The following PPP1R9A variants were observed in gnomAD, a reference collection of about 807,000 sequenced individuals.
The protein encoded by PPP1R9A is protein phosphatase 1 regulatory subunit 9A, also known as neurabin-1.
Under a neutral mutation model 141.9 loss-of-function variants are expected in PPP1R9A, and 59 were observed. The observed-to-expected ratio is 0.42, with a 90% CI of 0.34 to 0.52. The LOEUF (loss-of-function observed/expected upper bound fraction) is 0.52. PPP1R9A is among the 20% of genes least tolerant of loss of function. PPP1R9A has a pLI of 0.10. For synonymous variants in PPP1R9A, 500 were observed against 569.7 expected (o/e 0.88, Z 1.74); for missense variants, 1,444 against 1,611.9 (o/e 0.90, Z 1.78).
At chr7:95,058,979 AG>A (rs1419902249) in intron 2 of PPP1R9A, among the ~76,000 whole-genome samples, 3 of 151,990 alleles carry the variant, frequency 2.0e-5, no homozygotes, top group Non-Finnish European at 4.4e-5. Context: ...TAGTGGAGAC[AG>A]GGTTTCACCA....
chr7:95,265,015 C>A (rs1801050575), intron 12 of PPP1R9A, among the ~76,000 whole-genome samples: 1 of 152,170 alleles, frequency 6.6e-6, no homozygotes, highest in South Asian at 2.1e-4. Flanking sequence ...CTTAGAAACA[C>A]TGAGCCAGTT....
chr7:95,030,227 C>T (rs1374940646), intron 2 of PPP1R9A, among the ~76,000 whole-genome samples: 1 of 152,148 alleles, frequency 6.6e-6, no homozygotes, highest in Non-Finnish European at 1.5e-5. Context: ...ACATATATCA[C>T]AGTGTAGCTG....
Position 95,235,279 on chromosome 7 carries a change from C to T in PPP1R9A, c.2112+9163C>T, listed in dbSNP as rs1426800224. Among the ~76,000 whole-genome samples, 4 of 152,162 alleles carry T rather than the reference C, an allele frequency of 2.6e-5. No homozygotes were observed. In the East Asian group the frequency reaches 5.8e-4, roughly 22 times the overall value. On this transcript the variant is annotated intron_variant, in intron 8 of 19. Coordinates refer to ENST00000433360, the MANE Select transcript of PPP1R9A (RefSeq NM_001166160.2). The stretch of plus-strand genomic sequence containing the variant: ...TGCCATCTATACATCTGACAAAGAA[C>T]GAATATCCAGAATCCACAAAGAACT...
At chr7:95,088,076 T>G (rs928567045) in intron 2 of PPP1R9A, among the ~76,000 whole-genome samples, 2 of 151,976 alleles carry the variant, frequency 1.3e-5, no homozygotes, top group Non-Finnish European at 2.9e-5. Flanking sequence ...TGAGCTTTAT[T>G]CTGTGGCTTA....
At chr7:95,239,887 CTT>C (rs151075635) in intron 8 of PPP1R9A, among the ~76,000 whole-genome samples, 19,965 of 151,714 alleles carry the variant, frequency 0.13, 1,492 homozygotes, top group African/African-American at 0.18. Context: ...TTGATACACT[CTT>C]GGGTTCTAAG....
chr7:95,157,663 G>GA (rs1829851740), intron 4 of PPP1R9A, among the ~76,000 whole-genome samples: 1 of 152,196 alleles, frequency 6.6e-6, no homozygotes, highest in Non-Finnish European at 1.5e-5. Context: ...AGTAAACAGT[G>GA]AATCAAATAA....
chr7:95,154,440 T>C (rs1829252808), intron 4 of PPP1R9A, among the ~76,000 whole-genome samples: 2 of 152,164 alleles, frequency 1.3e-5, no homozygotes, highest in African/African-American at 4.8e-5. Context: ...GCTTAACACA[T>C]AGTCTACAAA....
rs144667329 is a variant in PPP1R9A, at chr7:95,133,206, G to A, written c.1649+12374G>A. ...TGGTCCATGGGCCTGCCTGGAAAAA[G>A]CACCATTCAATTGGTTAAAAGGCAT... On this transcript the variant is annotated intron_variant, in intron 4 of 19. Transcript: ENST00000433360. Among the ~76,000 whole-genome samples the A allele has an allele frequency of 7.7e-3, 1,165 of 152,180 alleles. 28 individuals are homozygous for A. Among genetic ancestry groups the A allele is most frequent in the Admixed American group, 0.04 (617 of 15,288 alleles).
At chr7:95,132,140 A>G (rs1331732017) in intron 4 of PPP1R9A, among the ~76,000 whole-genome samples, 2 of 152,148 alleles carry the variant, frequency 1.3e-5, no homozygotes, top group Non-Finnish European at 2.9e-5. Context: ...CCATGAAGAT[A>G]GTTTGACTTC....
intron 6 of PPP1R9A, among the ~76,000 whole-genome samples, chr7:95,200,751 G>T (rs1482677970): frequency 6.6e-6 from 1 of 152,072 alleles, no homozygotes; most frequent in Non-Finnish European, 1.5e-5. Context: ...TATTTTCAGG[G>T]GCAAGGAAAT....
intron 5 of PPP1R9A, among the ~76,000 whole-genome samples, chr7:95,184,314 T>A (rs1270316765): frequency 6.6e-6 from 1 of 152,204 alleles, no homozygotes; most frequent in Non-Finnish European, 1.5e-5. Flanking sequence ...CAAGTATAAG[T>A]TGTGTGCATC....
intron 7 of PPP1R9A, among the ~76,000 whole-genome samples, chr7:95,212,151 C>A (rs970195537): frequency 1.4e-4 from 21 of 152,020 alleles, no homozygotes; most frequent in African/African-American, 4.8e-4. Context: ...TCAGAATCTG[C>A]AGTTTAATAG....
rs2116145207 is a variant in PPP1R9A at position 95,291,688 on chromosome 7, T to TA, written c.*1390dup. 6.6e-6 allele frequency: 1 copy of TA among 152,342 alleles called. No homozygotes were observed. Among genetic ancestry groups the TA allele is most frequent in the East Asian group, 1.9e-4 (1 of 5,184 alleles). The allele number at this position is 152,342 out of a possible 1,614,324, so 9.4% of individuals were successfully genotyped here. On this transcript the variant is annotated 3_prime_UTR_variant, in exon 20 of 20. Coordinates refer to ENST00000433360, the MANE Select transcript of PPP1R9A (RefSeq NM_001166160.2). The stretch of plus-strand genomic sequence containing the variant: ...CTGGTTCTCTTTGCTGCGTTGACTC[T>TA]AAAAATGAGGTTATCCACTTTCCAA...
intron 4 of PPP1R9A, among the ~76,000 whole-genome samples, chr7:95,127,926 G>A (rs1289540515): frequency 6.6e-6 from 1 of 152,174 alleles, no homozygotes; most frequent in African/African-American, 2.4e-5. Context: ...ACTGTTAGTG[G>A]ACACCTAGGT....
At chr7:95,250,790 C>T (rs1478256643) in intron 10 of PPP1R9A, among the ~76,000 whole-genome samples, 1 of 152,172 alleles carries the variant, frequency 6.6e-6, no homozygotes, top group Non-Finnish European at 1.5e-5. Context: ...CCTCCTTTCA[C>T]TGCAGGGAGA....
chr7:94,953,780 G>C (rs1796751939), intron 2 of PPP1R9A, among the ~76,000 whole-genome samples: 1 of 152,092 alleles, frequency 6.6e-6, no homozygotes, highest in Admixed American at 6.6e-5. Flanking sequence ...TGGTGTATAG[G>C]AATGCTTGTA....
At chr7:95,071,167 A>C (rs141288041) in intron 2 of PPP1R9A, among the ~76,000 whole-genome samples, 1 of 152,064 alleles carries the variant, frequency 6.6e-6, no homozygotes. Flanking sequence ...TGTCAGAATT[A>C]GCAGGCAATA....
chr7:95,222,737 G>C (rs1221248556), intron 7 of PPP1R9A, among the ~76,000 whole-genome samples: 1 of 151,908 alleles, frequency 6.6e-6, no homozygotes, highest in African/African-American at 2.4e-5. Context: ...TAGTAATTTT[G>C]GGTTTTGTTG....
chr7:95,033,294 A>G lies in PPP1R9A; in HGVS notation c.1396-77965A>G, dbSNP rs980049691. Among the ~76,000 whole-genome samples, 152 of 151,042 alleles carry G rather than the reference A, an allele frequency of 1.0e-3. 1 individual carries two copies. Among genetic ancestry groups the G allele is most frequent in the Non-Finnish European group, 1.1e-3 (73 of 67,840 alleles). On this transcript the variant is annotated intron_variant, in intron 2 of 19. Transcript: ENST00000433360. The stretch of plus-strand genomic sequence containing the variant: ...CTCCCAAAGTGCTGGGATTACAGGC[A>G]TGAGCCACCGCTCCTGGCCTAATTT...
Sources: gnomAD v4.1 joint callset for allele counts (sites outside exome capture counted in the v4.1 genomes callset) on GRCh38, gnomAD v4.1.1 for gene constraint, MANE v1.5 for transcripts, NCBI Gene and HGNC (gene_info 2026-07-23, HGNC 2026-07-21) for gene names.